DNAH11: variants seen among roughly 807,000 people sequenced by gnomAD.
DNAH11 encodes axonemal beta dynein heavy chain 11.
DNAH11 carries 442 observed loss-of-function variants against 526.0 expected under a neutral mutation model. The ratio of observed to expected loss-of-function variants is 0.84; its 90% CI spans 0.78 to 0.91. The LOEUF (loss-of-function observed/expected upper bound fraction) is 0.91, where lower values mean the gene tolerates loss of function less well. Among genes scored for constraint, DNAH11 ranks in the 40% least tolerant of loss-of-function variants. The pLI, the probability that DNAH11 is intolerant of heterozygous loss-of-function variation, is 0.00. For synonymous variants in DNAH11, 2,461 were observed against 1,935.9 expected, an observed-to-expected ratio of 1.27 and a Z score of -7.12; for missense variants, 6,989 against 5,448.7, an observed-to-expected ratio of 1.28 and a Z score of -8.90.
chr7:21,732,192 G>A (rs7801283), intron 45 of DNAH11, among the ~76,000 whole-genome samples: 54,003 of 151,926 alleles, frequency 0.36, 10,548 homozygotes, highest in East Asian at 0.76. Flanking sequence ...AGCAGTCCAA[G>A]TTCAAGGTGT....
chr7:21,898,151 C>T (rs1784594080), intron 79 of DNAH11, among the ~76,000 whole-genome samples: 1 of 152,134 alleles, frequency 6.6e-6, no homozygotes, highest in Admixed American at 6.5e-5. Flanking sequence ...TACAAATTGT[C>T]TGCAGTGTTT....
At chr7:21,642,210 A>G (rs2128461172) in intron 28 of DNAH11, among the ~76,000 whole-genome samples, 1 of 152,324 alleles carries the variant, frequency 6.6e-6, no homozygotes, top group African/African-American at 2.4e-5. Flanking sequence ...ATTTTGAACA[A>G]TTAACACTTA....
At chr7:21,650,441 T>C (rs982659129) in intron 28 of DNAH11, among the ~76,000 whole-genome samples, 3 of 152,008 alleles carry the variant, frequency 2.0e-5, no homozygotes, top group Non-Finnish European at 2.9e-5. Context: ...ACATATATAC[T>C]TAAACAAAAT....
At chr7:21,880,149 A>G (rs1259028462) in intron 74 of DNAH11, among the ~76,000 whole-genome samples, 1 of 152,056 alleles carries the variant, frequency 6.6e-6, no homozygotes, top group Non-Finnish European at 1.5e-5. Context: ...AAGCAATTTC[A>G]TTTTCAGCAA....
chr7:21,786,681 A>G lies in DNAH11; in HGVS notation c.9655A>G (p.Thr3219Ala), dbSNP rs1166321526. 8 of 1,613,612 alleles carry G rather than the reference A, an allele frequency of 5.0e-6. No individual in the cohort carries two copies. Among genetic ancestry groups the G allele is most frequent in the Admixed American group, 1.7e-5 (1 of 59,990 alleles). Residue 3219 changes from threonine (T) to alanine (A), a missense_variant, in exon 59 of 82, where the codon ACT (threonine) becomes GCT (alanine). Transcript: ENST00000409508. ...CCCTCCCATCGCAGTTACCAATGTT[A>G]CTGCAGCCGTGATGGTCCTTCTGGC... The part of the protein sequence containing the change: ...PNPPIAVTNV[T>A]AAVMVLLAPR...
At chr7:21,821,193 T>G (rs1051021379) in intron 65 of DNAH11, among the ~76,000 whole-genome samples, 2 of 152,134 alleles carry the variant, frequency 1.3e-5, no homozygotes, top group Non-Finnish European at 2.9e-5. Flanking sequence ...GGAATGAGAG[T>G]AAGTGTAGGG....
At chr7:21,819,783 C>A (rs1413396847) in intron 65 of DNAH11, among the ~76,000 whole-genome samples, 1 of 152,124 alleles carries the variant, frequency 6.6e-6, no homozygotes, top group African/African-American at 2.4e-5. Context: ...TTCTAGAGGT[C>A]TTCAATTTTA....
intron 25 of DNAH11, among the ~76,000 whole-genome samples, chr7:21,624,800 G>T (rs1264691212): frequency 6.6e-6 from 1 of 152,194 alleles, no homozygotes; most frequent in East Asian, 1.9e-4. Context: ...CATATATTCA[G>T]ATGTTCATAT....
At chr7:21,827,514 A>G (rs1790356416) in intron 65 of DNAH11, among the ~76,000 whole-genome samples, 1 of 151,802 alleles carries the variant, frequency 6.6e-6, no homozygotes. Flanking sequence ...GAGTATATAC[A>G]TATATTATTA....
Position 21,617,749 on chromosome 7 carries a change from A to G in DNAH11, c.4226A>G (p.His1409Arg). Reference sequence around the variant, plus strand: ...CAGAGCCCTGCCCTCAGGGACAGGCATTGGCACCAGCTGATGAAAGCTATT... The same window carrying G: ...CAGAGCCCTGCCCTCAGGGACAGGCGTTGGCACCAGCTGATGAAAGCTATT... ...ELQSPALRDR[H>R]WHQLMKAIGV... is the part of the protein sequence containing the mutation. The change falls in exon 23 of 82, where the codon CAT becomes CGT. Residue 1409 changes from histidine to arginine, a missense_variant. Coordinates refer to ENST00000409508, the MANE Select transcript of DNAH11 (RefSeq NM_001277115.2). The G allele has an allele frequency of 1.2e-6, 2 of 1,607,034 alleles. No homozygotes were observed. Among genetic ancestry groups the G allele is most frequent in the South Asian group, 2.2e-5 (2 of 89,952 alleles).
intron 25 of DNAH11, among the ~76,000 whole-genome samples, chr7:21,629,035 G>A (rs1322409275): frequency 1.3e-5 from 2 of 151,824 alleles, no homozygotes; most frequent in African/African-American, 2.4e-5. Context: ...TGATATATGT[G>A]CTTATTGCTC....
chr7:21,630,312 G>A (rs1308510003), intron 25 of DNAH11, among the ~76,000 whole-genome samples: 2 of 151,900 alleles, frequency 1.3e-5, no homozygotes, highest in Non-Finnish European at 2.9e-5. Context: ...TGATAGATTT[G>A]TCTTTTGGGC....
chr7:21,758,780 G>A (rs1411530551), intron 54 of DNAH11, among the ~76,000 whole-genome samples: 1 of 152,202 alleles, frequency 6.6e-6, no homozygotes. Context: ...ACGTTGAATA[G>A]CCTTTGCATT....
rs774882906 is a variant in DNAH11 at position 21,601,167 on chromosome 7, T to C, written c.3413T>C (p.Phe1138Ser). 3 of 1,599,562 alleles carry C rather than the reference T, an allele frequency of 1.9e-6. No individual in the cohort carries two copies. Among genetic ancestry groups the C allele is most frequent in the Non-Finnish European group, 1.7e-6 (2 of 1,176,766 alleles). The change falls in exon 17 of 82, where the codon TTT becomes TCT. Residue 1138 changes from phenylalanine to serine, a missense_variant. By Grantham distance (155) the Phe-to-Ser change is radical. Transcript: ENST00000409508. ...SWMFQEHLLR[F>S]VIDSLNELQE... ...ATGTTTCAGGAGCATCTTTTGAGAT[T>C]TGTCATTGACAGGTAGCCTTTTACT...
At chr7:21,811,696 C>T (rs1789530862) in intron 63 of DNAH11, among the ~76,000 whole-genome samples, 1 of 152,044 alleles carries the variant, frequency 6.6e-6, no homozygotes, top group South Asian at 2.1e-4. Flanking sequence ...GAACTGTACA[C>T]TTAGAATGGT....
intron 42 of DNAH11, among the ~76,000 whole-genome samples, chr7:21,715,842 T>A (rs77264724): frequency 6.9e-6 from 1 of 144,404 alleles, no homozygotes; most frequent in Admixed American, 7.0e-5. Flanking sequence ...CTAGTAGAGG[T>A]AATTTATCTG....
chr7:21,900,803 A>T, intron 81 of DNAH11: 1 of 667,074 alleles, frequency 1.5e-6, no homozygotes, highest in Non-Finnish European at 2.3e-6. Flanking sequence ...ACCACTACGC[A>T]TGGAAGCAAA....
At chr7:21,580,603 G>A (rs995997969) in intron 8 of DNAH11, among the ~76,000 whole-genome samples, 3 of 152,192 alleles carry the variant, frequency 2.0e-5, no homozygotes, top group Admixed American at 6.6e-5. Flanking sequence ...CGCAGGTTCA[G>A]TGTCTGGGGA....
At chr7:21,747,514 AT>A (rs1786202450) in intron 51 of DNAH11, among the ~76,000 whole-genome samples, 1 of 152,222 alleles carries the variant, frequency 6.6e-6, no homozygotes, top group Non-Finnish European at 1.5e-5. Context: ...TTTTCTTAAT[AT>A]TTATAACATA....
Sources: allele counts gnomAD v4.1 joint callset (sites outside exome capture counted in the v4.1 genomes callset), GRCh38; gene constraint gnomAD v4.1.1; transcripts MANE v1.5; gene names NCBI Gene and HGNC (gene_info 2026-07-23, HGNC 2026-07-21).